CCZ1B: variants seen among roughly 807,000 people sequenced by gnomAD.
The protein encoded by CCZ1B is CCZ1B vacuolar protein trafficking and biogenesis associated.
Under a neutral mutation model 58.8 loss-of-function variants are expected in CCZ1B, and 25 were observed. The observed-to-expected ratio is 0.43, with a 90% CI of 0.31 to 0.59. The LOEUF is 0.59. Among genes scored for constraint, CCZ1B ranks in the 20% least tolerant of loss-of-function variants. The pLI is 0.12. For missense variants in CCZ1B, 180 were observed against 501.5 expected, an observed-to-expected ratio of 0.36 and a Z score of 6.12; for synonymous variants, 66 against 173.2, an observed-to-expected ratio of 0.38 and a Z score of 4.86.
intron 9 of CCZ1B, chr7:6,812,344 C>T (rs1782929059): frequency 2.6e-6 from 1 of 391,486 alleles, no homozygotes. Flanking sequence ...CAAAAATTAG[C>T]TGGTTCTGGT....
chr7:6,809,876 CAT>C (rs1424623286), intron 10 of CCZ1B, among the ~76,000 whole-genome samples: 7 of 145,986 alleles, frequency 4.8e-5, no homozygotes, highest in South Asian at 4.7e-4. Context: ...CCGTCTCACA[CAT>C]GAGAACTACT....
rs1292533015 is a variant in CCZ1B at position 6,819,882 on chromosome 7, G to A, written c.582C>T (p.Ser194=). ...AAGTCATTTTATCCAACGGGAAGAA[G>A]CTGATTCCACCAAAAATGTCAAGTA... The part of the protein sequence containing the change: ...CDLLDIFGGI[S]FFPLDKMTYL... The change falls in exon 7 of 15, where the codon AGC becomes AGT. Residue 194 remains serine, a synonymous_variant. Coordinates refer to ENST00000316731, the MANE Select transcript of CCZ1B (RefSeq NM_198097.5). The A allele has an allele frequency of 6.3e-7, 1 of 1,596,086 alleles. No homozygotes were observed. Among genetic ancestry groups the A allele is most frequent in the African/African-American group, 1.4e-5 (1 of 70,998 alleles).
chr7:6,822,179 T>A, intron 6 of CCZ1B, 102 bp downstream of exon 6: 1 of 1,499,958 alleles, frequency 6.7e-7, no homozygotes, highest in Non-Finnish European at 8.9e-7. Context: ...CACTTTCAAG[T>A]TCTGGGTTTT....
At chr7:6,812,195 T>A in intron 9 of CCZ1B, 132 bp from the exon 10 acceptor site, 1 of 1,041,260 alleles carries the variant, frequency 9.6e-7, no homozygotes, top group Non-Finnish European at 1.5e-6. Flanking sequence ...AAACACCATA[T>A]CAGAATAGGC....
chr7:6,817,946 G>A (rs1192030494), intron 7 of CCZ1B, among the ~76,000 whole-genome samples: 7 of 148,560 alleles, frequency 4.7e-5, no homozygotes, highest in East Asian at 2.0e-4. Flanking sequence ...AGGGGTTGCA[G>A]CAAGCCAAGA....
chr7:6,800,817 G>A (rs1437204732), intron 14 of CCZ1B, 131 bp downstream of exon 14: 5 of 341,706 alleles, frequency 1.5e-5, no homozygotes, highest in Non-Finnish European at 1.9e-5. Flanking sequence ...TGGATCAAAT[G>A]TGGAGCAGAG....
At chr7:6,816,728 T>A (rs1176343078) in intron 7 of CCZ1B, among the ~76,000 whole-genome samples, 1 of 151,022 alleles carries the variant, frequency 6.6e-6, no homozygotes, top group African/African-American at 2.5e-5. Context: ...ATAACAGCTT[T>A]GGAATAAGCA....
chr7:6,808,294 ACACT>A (rs2115113078), intron 10 of CCZ1B, among the ~76,000 whole-genome samples: 1 of 122,706 alleles, frequency 8.1e-6, no homozygotes, highest in South Asian at 4.1e-4. Context: ...CGATGGGGAA[ACACT>A]CACTGGGCTG....
chr7:6,825,641 C>CCACACA (rs376938545), intron 1 of CCZ1B, among the ~76,000 whole-genome samples: 11,302 of 84,720 alleles, frequency 0.13, 802 homozygotes, highest in South Asian at 0.2. Context: ...CTCAGAAAAA[C>CCACACA]CACACACACA....
At chr7:6,819,302 C>G (rs1486414741) in intron 7 of CCZ1B, among the ~76,000 whole-genome samples, 1 of 145,634 alleles carries the variant, frequency 6.9e-6, no homozygotes, top group East Asian at 1.9e-4. Context: ...GTGGTGCCAT[C>G]TCGGCTCACT....
At chr7:6,814,626 A>C (rs1249919081) in intron 8 of CCZ1B, 138 bp downstream of exon 8, 1 of 660,846 alleles carries the variant, frequency 1.5e-6, no homozygotes, top group East Asian at 2.7e-5. Flanking sequence ...TAATTGATAT[A>C]CAGTGACATA....
intron 10 of CCZ1B, among the ~76,000 whole-genome samples, chr7:6,811,000 A>G (rs1782909485): frequency 6.6e-6 from 1 of 151,336 alleles, no homozygotes; most frequent in Non-Finnish European, 1.5e-5. Flanking sequence ...CATCCACGTT[A>G]GCCACTCTGG....
chr7:6,818,712 C>CAAGAAAGAAAGAAAGAAAGAAAGAAAGA (rs769620724), intron 7 of CCZ1B, among the ~76,000 whole-genome samples: 45 of 80,732 alleles, frequency 5.6e-4, no homozygotes, highest in African/African-American at 2.6e-3. Flanking sequence ...GAAAGAAAGA[C>CAAGAAAGAAAGAAAGAAAGAAAGAAAGA]AAGAAAGAAA....
chr7:6,823,515 C>CTTTTTTTTT (rs897480782), intron 4 of CCZ1B, among the ~76,000 whole-genome samples, 155 bp from the exon 5 acceptor site: 30 of 104,880 alleles, frequency 2.9e-4, no homozygotes, highest in African/African-American at 7.8e-4. Flanking sequence ...TGTTTGCGTT[C>CTTTTTTTTT]TTTTTTTTTT....
Position 6,813,821 on chromosome 7 carries a change from A to G in CCZ1B, c.781-784T>C, listed in dbSNP as rs181015614. ...GTTGATTGTTTTAAAGATCACTGGCATTTTAAAGGTTTCTAGAACCCAACC... is the reference window on the plus strand; with the variant it reads ...GTTGATTGTTTTAAAGATCACTGGCGTTTTAAAGGTTTCTAGAACCCAACC... On this transcript the variant is annotated intron_variant, in intron 8 of 14. Coordinates refer to ENST00000316731, the MANE Select transcript of CCZ1B (RefSeq NM_198097.5). Among the ~76,000 whole-genome samples the G allele has an allele frequency of 6.3e-3, 894 of 141,736 alleles. 36 individuals carry two copies. Among genetic ancestry groups the G allele is most frequent in the Middle Eastern group, 0.017 (5 of 292 alleles). The allele number at this position is 141,736 out of a possible 152,430, so 93.0% of individuals were successfully genotyped here.
chr7:6,813,407 G>A (rs151196650), intron 8 of CCZ1B, among the ~76,000 whole-genome samples: 15 of 149,396 alleles, frequency 1.0e-4, no homozygotes, highest in East Asian at 7.7e-4. Flanking sequence ...GCAACATGAC[G>A]AGATCCCATC....
chr7:6,818,712 C>CAAGAAAGAAAGAAAGACAAGAAAGA (rs1562431543), intron 7 of CCZ1B, among the ~76,000 whole-genome samples: 2 of 80,706 alleles, frequency 2.5e-5, no homozygotes, highest in African/African-American at 5.8e-5. Flanking sequence ...GAAAGAAAGA[C>CAAGAAAGAAAGAAAGACAAGAAAGA]AAGAAAGAAA....
chr7:6,814,059 T>C (rs1233226766), intron 8 of CCZ1B, among the ~76,000 whole-genome samples: 1 of 148,514 alleles, frequency 6.7e-6, no homozygotes, highest in African/African-American at 2.6e-5. Context: ...GGCCGGAGAA[T>C]TGTTTGAATC....
chr7:6,811,841 C>T (rs1389625898), intron 10 of CCZ1B, 111 bp downstream of exon 10: 7 of 707,284 alleles, frequency 9.9e-6, no homozygotes, highest in Non-Finnish European at 1.6e-5. Flanking sequence ...TCAGAACTTC[C>T]AATATCTTTT....
Sources: allele counts gnomAD v4.1 joint callset (sites outside exome capture counted in the v4.1 genomes callset), GRCh38; gene constraint gnomAD v4.1.1; transcripts MANE v1.5; gene names NCBI Gene and HGNC (gene_info 2026-07-23, HGNC 2026-07-21).